Variants in CLYBL observed in about 807,000 individuals in gnomAD.
CLYBL encodes citramalyl-CoA lyase, also known as citramalyl-CoA lyase, mitochondrial.
Under a neutral mutation model 38.9 loss-of-function variants are expected in CLYBL, and 31 were observed. The ratio of observed to expected loss-of-function variants is 0.80; its 90% CI spans 0.60 to 1.08. The LOEUF (loss-of-function observed/expected upper bound fraction) is 1.08, where lower values mean the gene tolerates loss of function less well. Ranked by LOEUF, CLYBL falls within the 50% of genes least tolerant of loss-of-function variation. The pLI is 0.00. For missense variants in CLYBL, 434 were observed against 411.6 expected, an observed-to-expected ratio of 1.05 and a Z score of -0.47; for synonymous variants, 171 against 158.6, an observed-to-expected ratio of 1.08 and a Z score of -0.59.
At chr13:99,668,002 G>A (rs1302707804) in intron 1 of CLYBL, among the ~76,000 whole-genome samples, 2 of 152,232 alleles carry the variant, frequency 1.3e-5, no homozygotes, top group Non-Finnish European at 2.9e-5. Context: ...GGCTGGGCAT[G>A]GTGGCTCACA....
chr13:99,665,093 A>G (rs2047461393), intron 1 of CLYBL, among the ~76,000 whole-genome samples: 1 of 151,176 alleles, frequency 6.6e-6, no homozygotes. Flanking sequence ...TTAAAAATAT[A>G]TTTGTTATAT....
chr13:99,659,200 CTA>C (rs773910363), intron 1 of CLYBL, among the ~76,000 whole-genome samples: 7 of 150,578 alleles, frequency 4.6e-5, no homozygotes, highest in Non-Finnish European at 7.4e-5. Flanking sequence ...ATCCTCTAAG[CTA>C]TGTGTGTGTG....
chr13:99,753,004 AG>A (rs907532676), intron 1 of CLYBL, among the ~76,000 whole-genome samples: 5 of 152,004 alleles, frequency 3.3e-5, no homozygotes, highest in African/African-American at 1.2e-4. Flanking sequence ...GCATCCCAGG[AG>A]GGGGCATGGG....
chr13:99,795,755 CT>C (rs1470799963), intron 2 of CLYBL, among the ~76,000 whole-genome samples: 1 of 152,204 alleles, frequency 6.6e-6, no homozygotes, highest in African/African-American at 2.4e-5. Flanking sequence ...AAAAGGCCAG[CT>C]TTGTCTTTGG....
At chr13:99,614,775 G>T (rs114888304) in intron 1 of CLYBL, among the ~76,000 whole-genome samples, 6 of 152,198 alleles carry the variant, frequency 3.9e-5, no homozygotes, top group Non-Finnish European at 8.8e-5. Flanking sequence ...AGGAGTCAGG[G>T]GGGGAGGCCG....
intron 1 of CLYBL, among the ~76,000 whole-genome samples, chr13:99,743,273 GC>G (rs535950256): frequency 4.6e-5 from 7 of 152,230 alleles, no homozygotes; most frequent in Admixed American, 2.6e-4. Flanking sequence ...AATTGTAACC[GC>G]GAATGATGGG....
intron 1 of CLYBL, among the ~76,000 whole-genome samples, chr13:99,766,040 G>C (rs927505308): frequency 6.6e-6 from 1 of 151,536 alleles, no homozygotes; most frequent in East Asian, 1.9e-4. Context: ...TTTGTAGAGA[G>C]GGGGGTCTCA....
At chr13:99,754,959 G>A (rs1189553484) in intron 1 of CLYBL, among the ~76,000 whole-genome samples, 2 of 150,634 alleles carry the variant, frequency 1.3e-5, no homozygotes, top group Non-Finnish European at 3.0e-5. Context: ...GTGCAGTGGC[G>A]CAATCTCGCC....
intron 1 of CLYBL, among the ~76,000 whole-genome samples, chr13:99,735,699 G>A (rs1397551588): frequency 6.6e-6 from 1 of 152,104 alleles, no homozygotes; most frequent in African/African-American, 2.4e-5. Context: ...AAAACAGGCA[G>A]CAATAATAGT....
intron 1 of CLYBL, among the ~76,000 whole-genome samples, chr13:99,721,480 T>TTTAA (rs2139529607): frequency 6.6e-6 from 1 of 151,372 alleles, no homozygotes; most frequent in South Asian, 2.1e-4. Context: ...TAAATATATA[T>TTTAA]ATATATTTTT....
In CLYBL at chr13:99,670,044, T is replaced by A. The variant is rs917541222; in HGVS notation, c.62+63287T>A. 6.4e-5 allele frequency among the ~76,000 whole-genome samples: 8 copies of A among 124,884 alleles called. No individual in the cohort carries two copies. In the East Asian group the frequency reaches 7.2e-4, roughly 11 times the overall value. The allele number at this position is 124,884 out of a possible 152,430, so 81.9% of individuals were successfully genotyped here. ...CCCGTCTCTATTAAAAAAAAAAAAA[T>A]GAAAATTAGCCAGGCATGGTGGCAT... On this transcript the variant is annotated intron_variant, in intron 1 of 8. Coordinates refer to ENST00000339105, the MANE Select transcript of CLYBL (RefSeq NM_206808.5).
rs538383262 is a variant in CLYBL, at chr13:99,829,587, G to T, written c.250-29274G>T. Reference sequence around the variant, plus strand: ...TGGGTTTCTGGTTTATCTTAGAATTGAGCACTAGAAAGGAAGTGAGGAGAA... The same window carrying T: ...TGGGTTTCTGGTTTATCTTAGAATTTAGCACTAGAAAGGAAGTGAGGAGAA... On this transcript the variant is annotated intron_variant, in intron 2 of 8. Coordinates refer to ENST00000339105, the MANE Select transcript of CLYBL (RefSeq NM_206808.5). Among the ~76,000 whole-genome samples the T allele has an allele frequency of 2.4e-4, 37 of 152,266 alleles. No homozygotes were observed. The South Asian group carries it at 7.3e-3, about 30-fold the overall frequency.
chr13:99,833,446 C>A (rs2050865020), intron 2 of CLYBL, among the ~76,000 whole-genome samples: 1 of 152,032 alleles, frequency 6.6e-6, no homozygotes, highest in Admixed American at 6.6e-5. Flanking sequence ...GCTGCCATAG[C>A]TACATAATGG....
At chr13:99,611,986 G>A (rs1436579419) in intron 1 of CLYBL, among the ~76,000 whole-genome samples, 1 of 152,112 alleles carries the variant, frequency 6.6e-6, no homozygotes, top group East Asian at 1.9e-4. Flanking sequence ...ATAATTTCTA[G>A]TAAGTTTATA....
chr13:99,655,615 C>T (rs1279642502), intron 1 of CLYBL, among the ~76,000 whole-genome samples: 7 of 152,184 alleles, frequency 4.6e-5, no homozygotes, highest in Admixed American at 4.6e-4. Flanking sequence ...CACTAAATAA[C>T]ACATTGGTGG....
At chr13:99,880,193 G>C (rs1233379285) in intron 7 of CLYBL, among the ~76,000 whole-genome samples, 1 of 150,768 alleles carries the variant, frequency 6.6e-6, no homozygotes, top group Non-Finnish European at 1.5e-5. Context: ...TCAGCCTCCC[G>C]AGTAGCTGGG....
chr13:99,655,590 C>T (rs1047884460), intron 1 of CLYBL, among the ~76,000 whole-genome samples: 3 of 152,158 alleles, frequency 2.0e-5, no homozygotes, highest in African/African-American at 7.2e-5. Flanking sequence ...CCTGGGGTGG[C>T]GTCCTCTTTC....
chr13:99,860,883 CT>C (rs1325621827), intron 3 of CLYBL, among the ~76,000 whole-genome samples: 2 of 152,196 alleles, frequency 1.3e-5, no homozygotes, highest in African/African-American at 4.8e-5. Flanking sequence ...AGTGTGGGTT[CT>C]TGTTTGACTG....
chr13:99,753,440 A>C (rs1426719992), intron 1 of CLYBL, among the ~76,000 whole-genome samples: 108 of 152,328 alleles, frequency 7.1e-4, no homozygotes, highest in African/African-American at 2.5e-3. Flanking sequence ...GGAAAGATAC[A>C]GTGCAGAGGT....
Sources: gnomAD v4.1 joint callset for allele counts (sites outside exome capture counted in the v4.1 genomes callset) on GRCh38, gnomAD v4.1.1 for gene constraint, MANE v1.5 for transcripts, NCBI Gene and HGNC (gene_info 2026-07-23, HGNC 2026-07-21) for gene names.